Variants in MBTD1 observed in about 807,000 individuals in gnomAD.
The protein encoded by MBTD1 is mbt domain containing 1.
MBTD1 carries 24 observed loss-of-function variants against 87.8 expected under a neutral mutation model. The ratio of observed to expected loss-of-function variants is 0.27; its 90% confidence interval spans 0.20 to 0.38. The LOEUF (loss-of-function observed/expected upper bound fraction) is 0.38. Among genes scored for constraint, MBTD1 ranks in the 10% least tolerant of loss-of-function variants. The probability of loss-of-function intolerance (pLI) is 1.00; values close to 1 mark genes in which losing one functional copy is unlikely to be tolerated. For missense variants in MBTD1, 436 were observed against 760.2 expected (o/e 0.57, Z 5.02); for synonymous variants, 237 against 248.6 (o/e 0.95, Z 0.44).
At chr17:51,217,026 C>G (rs1389656887) in intron 6 of MBTD1, among the ~76,000 whole-genome samples, 2 of 151,758 alleles carry the variant, frequency 1.3e-5, no homozygotes, top group South Asian at 4.2e-4. Flanking sequence ...CACAGCGAGA[C>G]CATGTCTTTA....
intron 16 of MBTD1, among the ~76,000 whole-genome samples, chr17:51,190,130 G>C (rs1044901873): frequency 2.0e-5 from 3 of 152,190 alleles, no homozygotes; most frequent in African/African-American, 7.2e-5. Flanking sequence ...GGTTAGAACA[G>C]AGTATATTCG....
intron 11 of MBTD1, 79 bp from the exon 12 acceptor site, chr17:51,201,775 A>T: frequency 1.9e-6 from 2 of 1,033,830 alleles, no homozygotes; most frequent in South Asian, 1.3e-5. Context: ...ATGTGAAAAG[A>T]TTTACCAGGT....
chr17:51,200,849 G>A (rs1263497495), intron 12 of MBTD1, among the ~76,000 whole-genome samples: 1 of 151,066 alleles, frequency 6.6e-6, no homozygotes, highest in Non-Finnish European at 1.5e-5. Context: ...GGATGACAGA[G>A]TGAGACCATG....
chr17:51,195,361 C>T lies in MBTD1; in HGVS notation c.1225G>A (p.Val409Met). Reference protein sequence around the residue: ...STICVATIRKVLADGFLMIGI... With the variant: ...STICVATIRKMLADGFLMIGI... Reference sequence around the variant, plus strand: ...ATCATCAGGAATCCGTCAGCTAGCACCTTTTCAATGAAGAGAATTCTAAGT... The same window carrying T: ...ATCATCAGGAATCCGTCAGCTAGCATCTTTTCAATGAAGAGAATTCTAAGT... The change falls in exon 13 of 17, where the codon GTG becomes ATG. Residue 409 changes from valine to methionine, a missense_variant and splice_region_variant. By Grantham distance (21) the Val-to-Met change is conservative (BLOSUM62 1). This residue lies in a region of MBTD1 where 268 missense variants were observed against 401.8 expected (regional missense o/e 0.67). Coordinates refer to ENST00000586178, the MANE Select transcript of MBTD1 (RefSeq NM_017643.3). 1.3e-6 allele frequency: 2 copies of T among 1,587,732 alleles called. No homozygotes were observed. Among genetic ancestry groups the T allele is most frequent in the South Asian group, 1.2e-5 (1 of 86,664 alleles).
intron 2 of MBTD1, among the ~76,000 whole-genome samples, chr17:51,241,408 A>T (rs2054153315): frequency 6.6e-6 from 1 of 152,196 alleles, no homozygotes; most frequent in African/African-American, 2.4e-5. Flanking sequence ...ATTTTCACTC[A>T]AGATTTAGGA....
intron 2 of MBTD1, among the ~76,000 whole-genome samples, chr17:51,242,952 A>G (rs1598419584): frequency 2.0e-5 from 3 of 152,218 alleles, no homozygotes; most frequent in Admixed American, 6.5e-5. Flanking sequence ...ATAGTACTCC[A>G]TTGTGTATGT....
At chr17:51,260,445 G>C (rs113871909), upstream of MBTD1, 1 of 895,836 alleles carries the variant, frequency 1.1e-6, no homozygotes, top group Non-Finnish European at 1.7e-6. Context: ...CGTAGAGGGA[G>C]GGAGTGCTGG....
At chr17:51,191,089 C>T (rs1035420560) in intron 16 of MBTD1, among the ~76,000 whole-genome samples, 1 of 151,186 alleles carries the variant, frequency 6.6e-6, no homozygotes, top group Admixed American at 6.6e-5. Context: ...GGCCTTGTCT[C>T]AAAAAAGAAT....
In MBTD1 at chr17:51,183,685, C is replaced by T. The variant is rs546890447; in HGVS notation, c.1769-2991G>A. ...AGTTCTTCCTTTCATTAAAAAATTA[C>T]TTAATATAAATAAAAATGCTTTTAT... On this transcript the variant is annotated intron_variant, in intron 16 of 16. Transcript: ENST00000586178. The T allele has an allele frequency of 1.1e-4, 17 of 152,260 alleles. 1 individual carries two copies. In the South Asian group the frequency reaches 3.5e-3, roughly 32 times the overall value. The allele number at this position is 152,260 out of a possible 1,614,324, so 9.4% of individuals were successfully genotyped here.
At position 51,179,623 on chromosome 17, in the gene MBTD1, A is replaced by C. The variant is rs1210442664; in HGVS notation, c.*953T>G. 6.7e-6 allele frequency: 1 copy of C among 148,232 alleles called. No homozygotes were observed. Among genetic ancestry groups the C allele is most frequent in the Non-Finnish European group, 1.5e-5 (1 of 67,134 alleles). 9.2% of individuals were successfully genotyped at this position (148,232 alleles called of 1,614,324 possible). A position where few individuals can be genotyped will look rare whatever the true frequency, so the allele number is the denominator to read the frequency against. On this transcript the variant is annotated 3_prime_UTR_variant, in exon 17 of 17. Transcript: ENST00000586178. ...AAAAGCAGAGCTGGAATGATTTTGA[A>C]ATCTAAACTTATTTTGGCTTTGAAT...
At chr17:51,207,658 G>A (rs2051926984) in intron 6 of MBTD1, among the ~76,000 whole-genome samples, 1 of 152,124 alleles carries the variant, frequency 6.6e-6, no homozygotes, top group Non-Finnish European at 1.5e-5. Flanking sequence ...GTTAGAACCG[G>A]TAATCACTAG....
At chr17:51,210,127 G>A (rs1568180933) in intron 6 of MBTD1, among the ~76,000 whole-genome samples, 1 of 151,940 alleles carries the variant, frequency 6.6e-6, no homozygotes, top group East Asian at 2.0e-4. Context: ...TCAGCCTCCC[G>A]AGTAGCTGGG....
chr17:51,206,977 A>G lies in MBTD1; in HGVS notation c.515T>C (p.Ile172Thr). The G allele has an allele frequency of 1.2e-6, 2 of 1,613,384 alleles. No individual in the cohort carries two copies. Among genetic ancestry groups the G allele is most frequent in the South Asian group, 1.1e-5 (1 of 91,068 alleles). The change falls in exon 7 of 17, where the codon ATC (isoleucine) becomes ACC (threonine). Residue 172 changes from isoleucine (I) to threonine (T), a missense_variant. Physicochemically the swap from Ile to Thr is moderately conservative, Grantham distance 89. Around this residue, in one of 5 missense-constraint regions of MBTD1, gnomAD observed 268 missense variants for 401.8 expected, o/e 0.67. Transcript: ENST00000586178. ...HAPMGTCWGD[I>T]SENVRVEVPN... Reference sequence around the variant, plus strand: ...AACTTCTACTCTCACATTTTCTGAGATATCACCCCAGCAGGTCCCCATAGG... The same window carrying G: ...AACTTCTACTCTCACATTTTCTGAGGTATCACCCCAGCAGGTCCCCATAGG...
intron 12 of MBTD1, among the ~76,000 whole-genome samples, chr17:51,196,608 T>C (rs1209311251): frequency 1.3e-5 from 2 of 151,964 alleles, no homozygotes; most frequent in African/African-American, 4.8e-5. Flanking sequence ...TAAAAATATT[T>C]TGGCTGGGCG....
intron 6 of MBTD1, among the ~76,000 whole-genome samples, chr17:51,208,619 T>C (rs1385780471): frequency 6.6e-6 from 1 of 152,230 alleles, no homozygotes; most frequent in African/African-American, 2.4e-5. Context: ...GTTAAATGAA[T>C]GCAGTGCAGC....
intron 4 of MBTD1, among the ~76,000 whole-genome samples, chr17:51,219,499 T>C (rs2052763344): frequency 6.6e-6 from 1 of 152,150 alleles, no homozygotes; most frequent in African/African-American, 2.4e-5. Flanking sequence ...AATGACAAAA[T>C]GATCATGGGC....
intron 6 of MBTD1, among the ~76,000 whole-genome samples, chr17:51,211,469 T>TGGACTCTAGCCTGGGCAACA (rs2052208971): frequency 6.7e-6 from 1 of 149,120 alleles, no homozygotes; most frequent in African/African-American, 2.5e-5. Context: ...ATCGTGCTAC[T>TGGACTCTAGCCTGGGCAACA]GGACTCTAGC....
chr17:51,183,382 GCTGGTTTCAAA>G (rs1484741398), intron 16 of MBTD1: 1 of 151,666 alleles, frequency 6.6e-6, no homozygotes, highest in African/African-American at 2.4e-5. Flanking sequence ...ATTTTGGCCA[GCTGGTTTCAAA>G]CTCCTGATCT....
intron 16 of MBTD1, 133 bp downstream of exon 16, chr17:51,192,070 C>G: frequency 1.4e-6 from 1 of 701,776 alleles, no homozygotes. Context: ...TTATGGCATA[C>G]TGCACCTTTA....
Sources: gnomAD v4.1 joint callset for allele counts (sites outside exome capture counted in the v4.1 genomes callset) on GRCh38, gnomAD v4.1.1 for gene constraint, gnomAD v4.1.1 regional missense constraint, MANE v1.5 for transcripts, NCBI Gene and HGNC (gene_info 2026-07-23, HGNC 2026-07-21) for gene names.